NOS1: variants seen among roughly 807,000 people sequenced by gnomAD.
The protein encoded by NOS1 is nitric oxide synthase 1, also known as NOS type I.
In NOS1, 51 loss-of-function variants were observed where a neutral mutation model predicts 164.5. The observed-to-expected ratio is 0.31, with a 90% CI of 0.25 to 0.39. The LOEUF is 0.39. NOS1 is among the 10% of genes least tolerant of loss of function. The pLI, the probability that NOS1 is intolerant of heterozygous loss-of-function variation, is 1.00. For synonymous variants in NOS1, 719 were observed against 745.8 expected, an observed-to-expected ratio of 0.96 and a Z score of 0.59; for missense variants, 1,362 against 1,885.6, an observed-to-expected ratio of 0.72 and a Z score of 5.14.
intron 8 of NOS1, among the ~76,000 whole-genome samples, chr12:117,279,195 G>A (rs564870331): frequency 6.6e-6 from 1 of 151,958 alleles, no homozygotes; most frequent in South Asian, 2.1e-4. Flanking sequence ...TGGCCAACAT[G>A]GTGAAACCCT....
At chr12:117,273,309 A>T (rs958832088) in intron 9 of NOS1, among the ~76,000 whole-genome samples, 3 of 152,192 alleles carry the variant, frequency 2.0e-5, no homozygotes, top group African/African-American at 7.2e-5. Context: ...ACTGTGTTGG[A>T]TGAGCCAATA....
Position 117,210,629 on chromosome 12 carries a change from A to G in NOS1, c.*4680T>C, listed in dbSNP as rs1235960078. 2.0e-6 allele frequency: 2 copies of G among 985,374 alleles called. No homozygotes were observed. Among genetic ancestry groups the G allele is most frequent in the Middle Eastern group, 5.2e-4 (1 of 1,938 alleles). 61.0% of individuals were successfully genotyped at this position (985,374 alleles called of 1,614,324 possible). On this transcript the variant is annotated 3_prime_UTR_variant, in exon 29 of 29. Transcript: ENST00000317775. ...CTCAGGCATCTGGATTGCCCATCCT[A>G]TTAGGACCATTTGCCCTATGAGCTA...
At chr12:117,339,269 C>T (rs73208154) in intron 1 of NOS1, among the ~76,000 whole-genome samples, 1 of 152,188 alleles carries the variant, frequency 6.6e-6, no homozygotes, top group East Asian at 1.9e-4. Flanking sequence ...TTCATGGCTA[C>T]AGTTTGCCTA....
At chr12:117,350,090 A>T (rs1454001497) in intron 1 of NOS1, among the ~76,000 whole-genome samples, 2 of 152,142 alleles carry the variant, frequency 1.3e-5, no homozygotes, top group East Asian at 1.9e-4. Context: ...GTTTTTTTCT[A>T]CAGTATCATT....
At chr12:117,256,045 G>A (rs746967449) in intron 16 of NOS1, 1 of 1,392,328 alleles carries the variant, frequency 7.2e-7, no homozygotes, top group Non-Finnish European at 9.4e-7. Flanking sequence ...TACCTAGAGG[G>A]GAGAATCGAT....
intron 9 of NOS1, among the ~76,000 whole-genome samples, chr12:117,276,224 G>A (rs1044724894): frequency 2.0e-5 from 3 of 152,042 alleles, no homozygotes; most frequent in Non-Finnish European, 4.4e-5. Context: ...ATACAATTAT[G>A]TTATTATTGA....
intron 3 of NOS1, among the ~76,000 whole-genome samples, chr12:117,302,857 C>T (rs1447395715): frequency 2.6e-5 from 4 of 151,858 alleles, no homozygotes; most frequent in East Asian, 2.0e-4. Flanking sequence ...GCAATTCCCC[C>T]GCCTCAGCCT....
intron 3 of NOS1, among the ~76,000 whole-genome samples, chr12:117,300,137 C>T (rs1044817564): frequency 2.0e-4 from 31 of 152,100 alleles, no homozygotes; most frequent in Admixed American, 2.0e-3. Flanking sequence ...GGGCTGTTGA[C>T]CTGTAAGAGC....
intron 1 of NOS1, among the ~76,000 whole-genome samples, chr12:117,335,227 T>G (rs536500220): frequency 3.3e-5 from 5 of 152,206 alleles, no homozygotes; most frequent in Admixed American, 3.3e-4. Context: ...TCAGGCGCCA[T>G]GTAGAAGGGG....
intron 17 of NOS1, among the ~76,000 whole-genome samples, chr12:117,250,452 C>T (rs1287972839): frequency 6.6e-6 from 1 of 151,766 alleles, no homozygotes; most frequent in African/African-American, 2.4e-5. Flanking sequence ...CCTCAGCCTC[C>T]AGAGTAGCTG....
In NOS1 at chr12:117,253,173, C is replaced by T. The variant is rs760195868; in HGVS notation, c.2648+465G>A. On this transcript the variant is annotated intron_variant, in intron 17 of 28. Transcript: ENST00000317775. ...GGGCCCAATTCTAGATCAATTCCAT[C>T]GGAATCTCTGGAGATGGGTCTTGGT... Among the ~76,000 whole-genome samples, 78 of 152,060 alleles carry T rather than the reference C, an allele frequency of 5.1e-4. 3 individuals are homozygous for T. The highest frequency in any genetic ancestry group is 1.9e-4 in the East Asian group (1 of 5,186).
chr12:117,229,790 T>C (rs775789143), intron 22 of NOS1, among the ~76,000 whole-genome samples: 53 of 152,208 alleles, frequency 3.5e-4, no homozygotes, highest in Non-Finnish European at 3.2e-4. Flanking sequence ...GGTTTCACCA[T>C]GTTGGCTAGG....
intron 10 of NOS1, among the ~76,000 whole-genome samples, chr12:117,268,866 G>A (rs1592970951): frequency 6.6e-6 from 1 of 151,898 alleles, no homozygotes; most frequent in Admixed American, 6.6e-5. Flanking sequence ...CAAAGTGCTG[G>A]GATTACAGGC....
chr12:117,295,092 C>T (rs1298556754), intron 3 of NOS1, among the ~76,000 whole-genome samples: 1 of 152,170 alleles, frequency 6.6e-6, no homozygotes, highest in Non-Finnish European at 1.5e-5. Context: ...TTCTCCCCTT[C>T]AACAAGTGCA....
At chr12:117,326,477 T>A (rs1254524253) in intron 2 of NOS1, among the ~76,000 whole-genome samples, 3 of 152,078 alleles carry the variant, frequency 2.0e-5, no homozygotes, top group Non-Finnish European at 2.9e-5. Context: ...GGACACACAC[T>A]ATGATTAAAT....
At chr12:117,226,795 G>A in intron 23 of NOS1, 25 bp from the exon 24 acceptor site, 2 of 1,597,954 alleles carry the variant, frequency 1.3e-6, no homozygotes, top group South Asian at 1.1e-5. Context: ...AAGGCAGTCA[G>A]GGCCACCCAC....
intron 7 of NOS1, among the ~76,000 whole-genome samples, chr12:117,281,455 G>A (rs1199232588): frequency 7.1e-6 from 1 of 141,006 alleles, no homozygotes; most frequent in Non-Finnish European, 1.5e-5. Context: ...GGGAGGCAGA[G>A]GTTTCAGTAA....
intron 1 of NOS1, among the ~76,000 whole-genome samples, chr12:117,360,219 G>C (rs986962605): frequency 3.9e-5 from 6 of 152,006 alleles, no homozygotes; most frequent in African/African-American, 1.4e-4. Context: ...ACAGCCTGAT[G>C]CGGAGCTTGG....
intron 8 of NOS1, among the ~76,000 whole-genome samples, 180 bp from the exon 9 acceptor site, chr12:117,278,278 T>C (rs992190255): frequency 6.6e-6 from 1 of 152,232 alleles, no homozygotes; most frequent in African/African-American, 2.4e-5. Flanking sequence ...CATCACCATG[T>C]ATTAGGTTGG....
Sources: gnomAD v4.1 joint callset for allele counts (sites outside exome capture counted in the v4.1 genomes callset) on GRCh38, gnomAD v4.1.1 for gene constraint, MANE v1.5 for transcripts, NCBI Gene and HGNC (gene_info 2026-07-23, HGNC 2026-07-21) for gene names.